Variants in SRGAP2 observed in about 807,000 individuals in gnomAD.
SRGAP2 encodes SLIT-ROBO Rho GTPase-activating protein 2.
A neutral mutation model predicts 57.2 loss-of-function variants in SRGAP2; 15 were observed. The ratio of observed to expected loss-of-function variants is 0.26; its 90% CI spans 0.18 to 0.40. The LOEUF (loss-of-function observed/expected upper bound fraction) is 0.40. Ranked by LOEUF, SRGAP2 falls within the 10% of genes least tolerant of loss-of-function variation. SRGAP2 has a pLI of 1.00. For synonymous variants in SRGAP2, 249 were observed against 248.0 expected, an observed-to-expected ratio of 1.00 and a Z score of -0.04; for missense variants, 520 against 669.6, an observed-to-expected ratio of 0.78 and a Z score of 2.47.
rs1253445649 is a variant in SRGAP2, at chr1:206,454,827, GTGT to G, written c.2361-40_2361-38del. On this transcript the variant is annotated intron_variant, in intron 20 of 22. Coordinates refer to ENST00000573034, the MANE Select transcript of SRGAP2 (RefSeq NM_015326.5). This position sits in a 1 kb window ranked among gnomAD's most constrained non-coding sequence, Gnocchi z 4.3. ...TCTTGCCGATTTAACGCTGCTTTTT[GTGT>G]TGTTGTTGTTTTCCCTCCTCCCTGC... is the stretch of plus-strand genomic sequence containing the variant. The G allele has an allele frequency of 3.5e-5, 25 of 713,390 alleles. No homozygotes were observed. Among genetic ancestry groups the G allele is most frequent in the Admixed American group, 1.8e-4 (9 of 50,554 alleles). 44.2% of individuals were successfully genotyped at this position (713,390 alleles called of 1,614,324 possible).
rs370029434 is a variant in SRGAP2, at chr1:206,454,874, C to G, written c.2361-4C>G. 4.0e-4 allele frequency: 305 copies of G among 753,620 alleles called. 1 individual carries two copies. The highest frequency in any genetic ancestry group is 6.5e-4 in the Non-Finnish European group (262 of 402,924). 46.7% of individuals were successfully genotyped at this position (753,620 alleles called of 1,614,324 possible). A position where few individuals can be genotyped will look rare whatever the true frequency, so the allele number is the denominator to read the frequency against. ...TCCCTGCCTGCCTGCCCCTTCTCCC[C>G]CAGCGAGGACGGTGTCGTGGAGAGG... On this transcript the variant is annotated splice_region_variant and splice_polypyrimidine_tract_variant and intron_variant, in intron 20 of 22. Coordinates refer to ENST00000573034, the MANE Select transcript of SRGAP2 (RefSeq NM_015326.5). The surrounding 1 kb of genome is among the most constrained non-coding windows in gnomAD (Gnocchi z 4.3).
intron 19 of SRGAP2, among the ~76,000 whole-genome samples, chr1:206,452,000 G>T (rs891615830): frequency 6.6e-6 from 1 of 152,146 alleles, no homozygotes; most frequent in Admixed American, 6.5e-5. Context: ...TTCATCTCAG[G>T]TTCCAGCTTT....
intron 3 of SRGAP2, among the ~76,000 whole-genome samples, chr1:206,333,975 T>G (rs2102886442): frequency 6.6e-6 from 1 of 152,244 alleles, no homozygotes; most frequent in Admixed American, 6.5e-5. Context: ...ATCAACATGG[T>G]TAATAATATG....
chr1:206,412,132 A>G (rs1005847653), intron 10 of SRGAP2, among the ~76,000 whole-genome samples: 5 of 152,260 alleles, frequency 3.3e-5, no homozygotes, highest in Non-Finnish European at 5.9e-5. Context: ...TTTCATTTTA[A>G]TGCAACTAAA....
rs71568077 is a variant in SRGAP2, at chr1:206,210,403, C to CTTT, written c.67+4391_67+4393dup. On this transcript the variant is annotated intron_variant, in intron 2 of 22. Transcript: ENST00000573034. Reference sequence around the variant, plus strand: ...TTCTCGAGAACATTAGGGGTCTTGTCTTTTTTTTTTTTTTTTTTTTTTTTT... The same window carrying CTTT: ...TTCTCGAGAACATTAGGGGTCTTGTCTTTTTTTTTTTTTTTTTTTTTTTTTTTT... 3.0e-3 allele frequency among the ~76,000 whole-genome samples: 96 copies of CTTT among 31,794 alleles called. 9 individuals carry two copies. The highest frequency in any genetic ancestry group is 7.4e-3 in the African/African-American group (56 of 7,530). The allele number at this position is 31,794 out of a possible 152,430, so 20.9% of individuals were successfully genotyped here. A position where few individuals can be genotyped will look rare whatever the true frequency, so the allele number is the denominator to read the frequency against.
chr1:206,350,227 TC>T (rs1675944096), intron 4 of SRGAP2, among the ~76,000 whole-genome samples: 1 of 150,096 alleles, frequency 6.7e-6, no homozygotes, highest in South Asian at 2.1e-4. Context: ...ACAAATCTGA[TC>T]TATAGTGATA....
At chr1:206,298,688 A>G (rs1463136903) in intron 2 of SRGAP2, among the ~76,000 whole-genome samples, 4 of 152,200 alleles carry the variant, frequency 2.6e-5, no homozygotes, top group African/African-American at 9.7e-5. Flanking sequence ...GGAACCTTTT[A>G]AAGAAATTGG....
At chr1:206,301,083 G>C (rs1671845909) in intron 2 of SRGAP2, among the ~76,000 whole-genome samples, 1 of 152,194 alleles carries the variant, frequency 6.6e-6, no homozygotes. Flanking sequence ...CCAGGCTGGA[G>C]TGCAGTGGTG....
intron 19 of SRGAP2, among the ~76,000 whole-genome samples, chr1:206,451,487 A>G (rs1278219405): frequency 1.3e-5 from 2 of 152,192 alleles, no homozygotes; most frequent in Non-Finnish European, 1.5e-5. Context: ...TTTTCTGGGC[A>G]CAAGAATGAA....
rs17015584 is a variant in SRGAP2 at position 206,439,055 on chromosome 1, G to A, written c.1769-921G>A. ...TGGGTCATGTCTTTGTCTTTTTCCG[G>A]GACTGGGCCTAGGTGAAGTATCTTA... On this transcript the variant is annotated intron_variant, in intron 16 of 22. Transcript: ENST00000573034. 8.3e-3 allele frequency among the ~76,000 whole-genome samples: 1,260 copies of A among 152,144 alleles called. 21 individuals are homozygous for A. Among genetic ancestry groups the A allele is most frequent in the African/African-American group, 0.029 (1,190 of 41,482 alleles).
intron 18 of SRGAP2, among the ~76,000 whole-genome samples, chr1:206,449,850 C>T (rs1259812278): frequency 3.3e-5 from 5 of 152,174 alleles, no homozygotes; most frequent in Non-Finnish European, 7.3e-5. Flanking sequence ...AAACTTGTGA[C>T]TAAATTACTT....
chr1:206,418,336 G>A (rs1462062841), intron 11 of SRGAP2, among the ~76,000 whole-genome samples: 1 of 152,210 alleles, frequency 6.6e-6, no homozygotes, highest in Non-Finnish European at 1.5e-5. Context: ...GGTAGGGGAT[G>A]GCGTTGCTCA....
At chr1:206,383,954 T>G in intron 4 of SRGAP2, 60 bp from the exon 5 acceptor site, 2 of 1,446,494 alleles carry the variant, frequency 1.4e-6, no homozygotes, top group South Asian at 2.4e-5. Context: ...GCTTTTGCCT[T>G]TGTTGCTCCC....
rs537118935 is a variant in SRGAP2, at chr1:206,435,443, C to T, written c.1556-1522C>T. Reference sequence around the variant, plus strand: ...CCCAGGGATCCTGAGAAAAGCTGAGCGGTCCTGATGCAATCAGAGATGCTA... The same window carrying T: ...CCCAGGGATCCTGAGAAAAGCTGAGTGGTCCTGATGCAATCAGAGATGCTA... On this transcript the variant is annotated intron_variant, in intron 14 of 22. Transcript: ENST00000573034. Among the ~76,000 whole-genome samples the T allele has an allele frequency of 7.2e-5, 11 of 152,190 alleles. 1 individual carries two copies. In the South Asian group the frequency reaches 8.3e-4, roughly 11 times the overall value.
In SRGAP2 at chr1:206,458,714, C is replaced by T. The variant is rs1553379344; in HGVS notation, c.2599C>T (p.Pro867Ser). The change falls in exon 22 of 23, where the codon CCA becomes TCA. Residue 867 changes from proline (P) to serine (S), a missense_variant. Pro to Ser is a moderately conservative substitution (Grantham distance 74). Around this residue, in one of 5 missense-constraint regions of SRGAP2, gnomAD observed 478 missense variants for 373.6 expected, o/e 1.28. Transcript: ENST00000573034. ...LSSSLTDSSS[P>S]GVGASCRPSS... ...CAGTTCCCTGACTGACTCCTCCTCC[C>T]CAGGGGTGGGGGCTAGCTGCCGCCC... 3.8e-6 allele frequency: 3 copies of T among 780,194 alleles called. No individual in the cohort carries two copies. Among genetic ancestry groups the T allele is most frequent in the Admixed American group, 3.4e-5 (2 of 58,934 alleles). The allele number at this position is 780,194 out of a possible 1,614,324, so 48.3% of individuals were successfully genotyped here.
At chr1:206,325,544 T>C (rs200189120) in intron 3 of SRGAP2, among the ~76,000 whole-genome samples, 2 of 151,654 alleles carry the variant, frequency 1.3e-5, no homozygotes, top group South Asian at 2.1e-4. Context: ...AAGGTTTTAC[T>C]GTGTTGCCCA....
chr1:206,458,035 A>C (rs1663979776), intron 21 of SRGAP2, among the ~76,000 whole-genome samples: 1 of 152,218 alleles, frequency 6.6e-6, no homozygotes, highest in Admixed American at 6.5e-5. Context: ...AGTCATGTAG[A>C]GGTATTTCCA....
intron 2 of SRGAP2, among the ~76,000 whole-genome samples, chr1:206,238,691 T>G (rs1308439141): frequency 6.7e-6 from 1 of 150,346 alleles, no homozygotes; most frequent in East Asian, 2.0e-4. Flanking sequence ...GTAGGTCCTC[T>G]CTTAATTGAA....
intron 2 of SRGAP2, among the ~76,000 whole-genome samples, chr1:206,210,752 A>G (rs1666266772): frequency 6.7e-6 from 1 of 148,486 alleles, no homozygotes; most frequent in Non-Finnish European, 1.5e-5. Flanking sequence ...TTTAAATATA[A>G]TCAGTTAATC....
Sources: allele counts gnomAD v4.1 joint callset (sites outside exome capture counted in the v4.1 genomes callset), GRCh38; gene constraint gnomAD v4.1.1; regional missense constraint gnomAD v4.1.1; non-coding constraint Gnocchi (gnomAD v3.1); transcripts MANE v1.5; gene names NCBI Gene and HGNC (gene_info 2026-07-23, HGNC 2026-07-21).